The following LRRTM4 variants were observed in gnomAD, a reference collection of about 807,000 sequenced individuals.
The protein encoded by LRRTM4 is leucine-rich repeat transmembrane neuronal protein 4.
Under a neutral mutation model 47.6 loss-of-function variants are expected in LRRTM4, and 25 were observed. That is an observed-to-expected ratio of 0.53 (90% CI 0.38 to 0.73). The LOEUF is 0.73. Ranked by LOEUF, LRRTM4 falls within the 30% of genes least tolerant of loss-of-function variation. The probability of loss-of-function intolerance (pLI) is 0.00; values close to 1 mark genes in which losing one functional copy is unlikely to be tolerated. For synonymous variants in LRRTM4, 311 were observed against 269.5 expected, an observed-to-expected ratio of 1.15 and a Z score of -1.51; for missense variants, 638 against 713.4, an observed-to-expected ratio of 0.89 and a Z score of 1.20.
At chr2:76,909,567 A>G (rs1278655895) in intron 3 of LRRTM4, among the ~76,000 whole-genome samples, 1 of 151,966 alleles carries the variant, frequency 6.6e-6, no homozygotes, top group Non-Finnish European at 1.5e-5. Context: ...AACCTACAAA[A>G]TGGGAGAAAA....
chr2:77,085,220 T>A (rs1404233908), intron 3 of LRRTM4, among the ~76,000 whole-genome samples: 1 of 152,024 alleles, frequency 6.6e-6, no homozygotes, highest in African/African-American at 2.4e-5. Context: ...ATTTTATATA[T>A]ATGGTAAATC....
At chr2:77,321,472 C>T (rs1305444609) in intron 3 of LRRTM4, among the ~76,000 whole-genome samples, 2 of 137,658 alleles carry the variant, frequency 1.5e-5, no homozygotes, top group Admixed American at 1.7e-4. Context: ...AAAATCCAAA[C>T]TGAAGTGTTT....
rs71381251 is a variant in LRRTM4, at chr2:77,014,503, C to CATATATATATATATATATATATATAT, written c.1552-265588_1552-265587insATATATATATATATATATATATATAT. ...TGCAGAAGAAGCATTTGTGCCCTTT[C>CATATATATATATATATATATATATAT]ATATATATATATATAAAGATTTTAT... On this transcript the variant is annotated intron_variant, in intron 3 of 3. Coordinates refer to ENST00000409884, the MANE Select transcript of LRRTM4 (RefSeq NM_001134745.3). 4.1e-4 allele frequency among the ~76,000 whole-genome samples: 57 copies of CATATATATATATATATATATATATAT among 139,128 alleles called. 3 individuals carry two copies. Among genetic ancestry groups the CATATATATATATATATATATATATAT allele is most frequent in the East Asian group, 1.7e-3 (8 of 4,634 alleles). 91.3% of individuals were successfully genotyped at this position (139,128 alleles called of 152,430 possible). A position where few individuals can be genotyped will look rare whatever the true frequency, so the allele number is the denominator to read the frequency against.
chr2:77,462,371 T>A (rs1676821997), intron 3 of LRRTM4, among the ~76,000 whole-genome samples: 1 of 152,096 alleles, frequency 6.6e-6, no homozygotes, highest in East Asian at 1.9e-4. Context: ...TAGTCTTCCA[T>A]CACATAGGAA....
intron 3 of LRRTM4, among the ~76,000 whole-genome samples, chr2:77,041,877 G>C (rs533139428): frequency 4.0e-5 from 6 of 149,106 alleles, no homozygotes; most frequent in African/African-American, 1.5e-4. Flanking sequence ...TCTGAATATT[G>C]AAACAATTCT....
intron 3 of LRRTM4, among the ~76,000 whole-genome samples, chr2:76,925,922 A>T (rs1674575916): frequency 1.3e-5 from 2 of 152,154 alleles, no homozygotes; most frequent in African/African-American, 2.4e-5. Flanking sequence ...GTGGTATTCA[A>T]TATAGTTGTC....
chr2:77,068,630 A>G (rs12623546), intron 3 of LRRTM4, among the ~76,000 whole-genome samples: 23,128 of 152,192 alleles, frequency 0.15, 2,608 homozygotes, highest in East Asian at 0.42. Flanking sequence ...AGCACATACT[A>G]TGTTATGGTA....
At chr2:76,849,610 A>G (rs1235794131) in intron 3 of LRRTM4, among the ~76,000 whole-genome samples, 2 of 152,098 alleles carry the variant, frequency 1.3e-5, no homozygotes, top group African/African-American at 4.8e-5. Context: ...TAGTTTGCTT[A>G]ATAAAAAAAC....
chr2:77,109,817 T>C (rs556256146), intron 3 of LRRTM4, among the ~76,000 whole-genome samples: 97 of 151,456 alleles, frequency 6.4e-4, no homozygotes, highest in African/African-American at 2.2e-3. Flanking sequence ...TCCAGCACAA[T>C]TGGAAAAATG....
intron 3 of LRRTM4, among the ~76,000 whole-genome samples, chr2:77,283,969 T>C (rs1298801660): frequency 6.6e-6 from 1 of 151,978 alleles, no homozygotes; most frequent in East Asian, 1.9e-4. Context: ...CCCCTGAATA[T>C]AAAATAAAAG....
intron 3 of LRRTM4, among the ~76,000 whole-genome samples, chr2:76,826,660 A>G (rs911712729): frequency 2.6e-5 from 4 of 151,862 alleles, no homozygotes; most frequent in East Asian, 1.9e-4. Flanking sequence ...GGAAAAAATA[A>G]TAAAAACACT....
At chr2:76,994,588 A>G (rs4324338) in intron 3 of LRRTM4, among the ~76,000 whole-genome samples, 76,452 of 151,612 alleles carry the variant, frequency 0.5, 19,983 homozygotes, top group African/African-American at 0.64. Context: ...TTGCTTGTAA[A>G]TAGGATAAAA....
chr2:76,983,712 G>A (rs544366165), intron 3 of LRRTM4, among the ~76,000 whole-genome samples: 2 of 152,094 alleles, frequency 1.3e-5, no homozygotes, highest in East Asian at 1.9e-4. Context: ...ATGAGATAGA[G>A]CAATCATACA....
intron 3 of LRRTM4, among the ~76,000 whole-genome samples, chr2:76,823,915 CTTG>C (rs1158539770): frequency 3.3e-5 from 5 of 151,566 alleles, no homozygotes; most frequent in South Asian, 2.1e-4. Flanking sequence ...TGATGCATGT[CTTG>C]TTGTTTTAAT....
At chr2:76,777,726 C>G (rs1232705707) in intron 3 of LRRTM4, among the ~76,000 whole-genome samples, 4 of 149,944 alleles carry the variant, frequency 2.7e-5, no homozygotes, top group Non-Finnish European at 5.9e-5. Context: ...TTGACTTCCT[C>G]TTTTCCTAAC....
At chr2:77,430,361 T>C (rs1675315948) in intron 3 of LRRTM4, among the ~76,000 whole-genome samples, 1 of 152,226 alleles carries the variant, frequency 6.6e-6, no homozygotes, top group African/African-American at 2.4e-5. Context: ...AGCATCTTTC[T>C]TATTCAATTC....
chr2:77,495,628 G>C (rs1678332994), intron 3 of LRRTM4, among the ~76,000 whole-genome samples: 1 of 151,904 alleles, frequency 6.6e-6, no homozygotes. Flanking sequence ...AACATCATTT[G>C]TTGAAAAGAC....
At chr2:76,906,573 C>T (rs1673848464) in intron 3 of LRRTM4, among the ~76,000 whole-genome samples, 1 of 152,096 alleles carries the variant, frequency 6.6e-6, no homozygotes. Context: ...AGAGTCAAGA[C>T]CCATCAGTCT....
At chr2:77,341,600 C>T (rs755789823) in intron 3 of LRRTM4, among the ~76,000 whole-genome samples, 3 of 151,996 alleles carry the variant, frequency 2.0e-5, no homozygotes, top group Non-Finnish European at 2.9e-5. Flanking sequence ...ACGCATGCTG[C>T]GGTTTAGCGT....
Sources: allele counts gnomAD v4.1 joint callset (sites outside exome capture counted in the v4.1 genomes callset), GRCh38; gene constraint gnomAD v4.1.1; transcripts MANE v1.5; gene names NCBI Gene and HGNC (gene_info 2026-07-23, HGNC 2026-07-21).